Variants in PCBP2 observed in about 807,000 individuals in gnomAD.
PCBP2 encodes poly(rC)-binding protein 2.
Under a neutral mutation model 50.1 loss-of-function variants are expected in PCBP2, and 4 were observed. The ratio of observed to expected loss-of-function variants is 0.08; its 90% confidence interval spans 0.04 to 0.18. PCBP2 has a LOEUF of 0.18. Ranked by LOEUF, PCBP2 falls within the 10% of genes least tolerant of loss-of-function variation. The probability of loss-of-function intolerance (pLI) is 1.00; values close to 1 mark genes in which losing one functional copy is unlikely to be tolerated. For synonymous variants in PCBP2, 179 were observed against 168.0 expected (o/e 1.07, Z -0.51); for missense variants, 161 against 474.3 (o/e 0.34, Z 6.14).
chr12:53,467,091 C>T (rs1592664982), intron 10 of PCBP2, 130 bp from the exon 11 acceptor site: 2 of 663,052 alleles, frequency 3.0e-6, no homozygotes, highest in Non-Finnish European at 2.7e-6. Context: ...AGCCCCATCC[C>T]TACCCTCTGT....
At chr12:53,462,877 G>T (rs1941550337) in intron 8 of PCBP2, among the ~76,000 whole-genome samples, 1 of 152,140 alleles carries the variant, frequency 6.6e-6, no homozygotes, top group Non-Finnish European at 1.5e-5. Context: ...TTATGTGTGT[G>T]GGGTGATATT....
At chr12:53,472,379 C>T (rs548330811) in intron 14 of PCBP2, among the ~76,000 whole-genome samples, 2 of 152,070 alleles carry the variant, frequency 1.3e-5, no homozygotes, top group South Asian at 4.1e-4. Context: ...TATCTCACTC[C>T]TCCCCCAATC....
intron 6 of PCBP2, chr12:53,460,112 A>G (rs1358940753): frequency 4.3e-6 from 1 of 233,280 alleles, no homozygotes; most frequent in Non-Finnish European, 9.0e-6. Context: ...GAAAAATAGG[A>G]AGATGTATTG....
Position 53,459,249 on chromosome 12 carries a change from TGTG to T in PCBP2, c.244-19_244-17del, listed in dbSNP as rs750514570. The stretch of plus-strand genomic sequence containing the variant: ...TACTAGTTTCCAGGGATCTGCTTAT[TGTG>T]GTGTTCTTTCTTTCTGTAGGACATA... On this transcript the variant is annotated intron_variant, in intron 5 of 14. Transcript: ENST00000546463. 4 of 1,577,812 alleles carry T rather than the reference TGTG, an allele frequency of 2.5e-6. No individual in the cohort carries two copies. The South Asian group carries it at 3.4e-5, about 14-fold the overall frequency.
chr12:53,461,176 GA>G, intron 7 of PCBP2, 33 bp downstream of exon 7: 2 of 1,610,756 alleles, frequency 1.2e-6, no homozygotes, highest in South Asian at 2.2e-5. Flanking sequence ...AAAATGGGGG[GA>G]GGGCCATTCT....
chr12:53,475,549 C>CTTT (rs67600882), intron 14 of PCBP2: 7 of 146,562 alleles, frequency 4.8e-5, no homozygotes, highest in South Asian at 1.9e-4. Flanking sequence ...GCTTCGTTAA[C>CTTT]TTTTTTTTTT....
At chr12:53,456,470 A>C (rs561632490) in intron 5 of PCBP2, among the ~76,000 whole-genome samples, 7 of 152,236 alleles carry the variant, frequency 4.6e-5, no homozygotes, top group Non-Finnish European at 1.0e-4. Flanking sequence ...AAAAAAAAAA[A>C]AGTCACTTGA....
chr12:53,455,410 A>G lies in PCBP2; in HGVS notation c.93+40A>G, dbSNP rs771095806. ...CTTCAACTTCAATTACCATTTAGTA[A>G]TTCTGGATTGAAGTAGCAGTTGGAG... On this transcript the variant is annotated intron_variant, in intron 3 of 14. Transcript: ENST00000546463. The G allele has an allele frequency of 2.7e-5, 43 of 1,614,056 alleles. No individual in the cohort carries two copies. In the East Asian group the frequency reaches 9.1e-4, roughly 34 times the overall value.
At chr12:53,460,961 T>C in intron 6 of PCBP2, 54 bp from the exon 7 acceptor site, 1 of 1,594,268 alleles carries the variant, frequency 6.3e-7, no homozygotes, top group Middle Eastern at 2.3e-4. Context: ...GCTGGAGGAA[T>C]TGGAAGAGCA....
At position 53,474,989 on chromosome 12, in the gene PCBP2, G is replaced by A. The variant is rs143162974; in HGVS notation, c.1052+3182G>A. 7.0e-4 allele frequency: 317 copies of A among 455,694 alleles called. 4 individuals carry two copies. In the East Asian group the frequency reaches 0.02, roughly 28 times the overall value. The allele number at this position is 455,694 out of a possible 1,614,324, so 28.2% of individuals were successfully genotyped here. A position where few individuals can be genotyped will look rare whatever the true frequency, so the allele number is the denominator to read the frequency against. On this transcript the variant is annotated intron_variant, in intron 14 of 14. Transcript: ENST00000546463. ...CTTCCTCCTCCACCACCACCCCCTCGCTCGCCACAGCGGGGACCTCCGACG... is the reference window on the plus strand; with the variant it reads ...CTTCCTCCTCCACCACCACCCCCTCACTCGCCACAGCGGGGACCTCCGACG...
In PCBP2 at chr12:53,464,767, ACAG is replaced by A. The variant is rs1941701248; in HGVS notation, c.590_592del (p.Ser197del). The A allele has an allele frequency of 3.7e-6, 6 of 1,612,644 alleles. No individual in the cohort carries two copies. The highest frequency in any genetic ancestry group is 5.1e-6 in the Non-Finnish European group (6 of 1,179,382). ...TCCTCTATTTATCCACAGGACAGGTACAGCACAGGCAGCGACAGTGCGAGCTTT... is the reference window on the plus strand; with the variant it reads ...TCCTCTATTTATCCACAGGACAGGTACACAGGCAGCGACAGTGCGAGCTTT... On this transcript the variant is annotated inframe_deletion, in exon 9 of 15. Transcript: ENST00000546463.
At chr12:53,462,779 G>T (rs762151430) in intron 8 of PCBP2, among the ~76,000 whole-genome samples, 2 of 152,174 alleles carry the variant, frequency 1.3e-5, no homozygotes, top group Non-Finnish European at 2.9e-5. Context: ...CTCGGAAGAG[G>T]TAACTTACTT....
chr12:53,462,546 G>T lies in PCBP2; in HGVS notation c.558G>T (p.Pro186=). The change falls in exon 8 of 15, where the codon CCG becomes CCT. Residue 186 remains proline, a synonymous_variant. Transcript: ENST00000546463. ...ACCGGCCCAAGCCGTCCAGCTCTCC[G>T]GTCATCTTTGCAGGTGGTCAGGTAA... The part of the protein sequence containing the change: ...IPYRPKPSSS[P]VIFAGGQDRY... 4 of 1,613,208 alleles carry T rather than the reference G, an allele frequency of 2.5e-6. No homozygotes were observed. The highest frequency in any genetic ancestry group is 2.5e-6 in the Non-Finnish European group (3 of 1,179,376).
intron 13 of PCBP2, 78 bp downstream of exon 13, chr12:53,468,910 T>C: frequency 1.1e-6 from 1 of 900,114 alleles, no homozygotes; most frequent in Non-Finnish European, 1.7e-6. Context: ...AGCAGTGTCC[T>C]GCTACCCTTT....
chr12:53,461,272 T>C, intron 7 of PCBP2, 129 bp downstream of exon 7: 2 of 934,392 alleles, frequency 2.1e-6, no homozygotes, highest in Non-Finnish European at 3.1e-6. Context: ...GGCTAAAAGG[T>C]TCCCTGAGTT....
intron 5 of PCBP2, 134 bp downstream of exon 5, chr12:53,456,135 T>C (rs1940991038): frequency 1.5e-6 from 1 of 662,084 alleles, no homozygotes; most frequent in African/African-American, 1.8e-5. Context: ...TAGCTTCCTG[T>C]AGCCTCCCAC....
At chr12:53,453,349 C>T (rs1322626551) in intron 1 of PCBP2, 1 of 152,076 alleles carries the variant, frequency 6.6e-6, no homozygotes, top group Admixed American at 6.6e-5. Flanking sequence ...TCTTACAGAC[C>T]TAACGCTTCT....
intron 9 of PCBP2, 143 bp downstream of exon 9, chr12:53,464,995 A>G (rs1414568524): frequency 9.4e-7 from 1 of 1,069,068 alleles, no homozygotes; most frequent in Non-Finnish European, 1.2e-6. Context: ...TGACCCCCCC[A>G]ACCTCATTTC....
At chr12:53,472,383 C>A (rs1449190718) in intron 14 of PCBP2, among the ~76,000 whole-genome samples, 1 of 152,184 alleles carries the variant, frequency 6.6e-6, no homozygotes, top group African/African-American at 2.4e-5. Flanking sequence ...TCACTCCTCC[C>A]CCAATCTCAT....
Sources: allele counts gnomAD v4.1 joint callset (sites outside exome capture counted in the v4.1 genomes callset), GRCh38; gene constraint gnomAD v4.1.1; transcripts MANE v1.5; gene names NCBI Gene and HGNC (gene_info 2026-07-23, HGNC 2026-07-21).